Variants in HPSE2 observed in about 807,000 individuals in gnomAD.
HPSE2 encodes inactive heparanase-2.
HPSE2 carries 38 observed loss-of-function variants against 60.5 expected under a neutral mutation model. That is an observed-to-expected ratio of 0.63 (90% CI 0.48 to 0.82). HPSE2 has a LOEUF of 0.82. Ranked by LOEUF, HPSE2 falls within the 40% of genes least tolerant of loss-of-function variation. HPSE2 has a pLI of 0.00. For missense variants in HPSE2, 713 were observed against 740.4 expected (o/e 0.96, Z 0.43); for synonymous variants, 295 against 293.2 (o/e 1.01, Z -0.06).
intron 3 of HPSE2, among the ~76,000 whole-genome samples, chr10:99,006,510 G>T (rs965320015): frequency 1.3e-5 from 2 of 152,186 alleles, no homozygotes; most frequent in Non-Finnish European, 2.9e-5. Flanking sequence ...GGCTTTGGCA[G>T]TCATGGGCTA....
At position 98,479,021 on chromosome 10, in the gene HPSE2, C is replaced by G. The variant is rs1318352598; in HGVS notation, c.1613+3615G>C. On this transcript the variant is annotated intron_variant, in intron 11 of 11. Transcript: ENST00000370552. ...ATAAATAGTGACCCCAAGGGTGCTTCCTGTGTGATACTTGACATACCTTAG... is the reference window on the plus strand; with the variant it reads ...ATAAATAGTGACCCCAAGGGTGCTTGCTGTGTGATACTTGACATACCTTAG... Among the ~76,000 whole-genome samples, 3 of 152,278 alleles carry G rather than the reference C, an allele frequency of 2.0e-5. No homozygotes were observed. In the East Asian group the frequency reaches 5.8e-4, roughly 29 times the overall value.
chr10:98,695,290 C>G (rs908260836), intron 5 of HPSE2, among the ~76,000 whole-genome samples: 1 of 152,056 alleles, frequency 6.6e-6, no homozygotes, highest in East Asian at 1.9e-4. Flanking sequence ...AGGACGAGGA[C>G]GGAGGATGAG....
intron 9 of HPSE2, among the ~76,000 whole-genome samples, chr10:98,523,068 A>G (rs544203228): frequency 7.1e-4 from 108 of 152,296 alleles, no homozygotes; most frequent in African/African-American, 2.5e-3. Flanking sequence ...CAGTTCTCTC[A>G]GTTGGGCACA....
intron 2 of HPSE2, among the ~76,000 whole-genome samples, chr10:99,211,468 C>T (rs1359205003): frequency 6.6e-6 from 1 of 151,606 alleles, no homozygotes; most frequent in Non-Finnish European, 1.5e-5. Context: ...ACAAAGCTAT[C>T]GTAATAAAAA....
chr10:98,549,762 C>T (rs1455833499), intron 9 of HPSE2, among the ~76,000 whole-genome samples: 2 of 152,326 alleles, frequency 1.3e-5, no homozygotes, highest in African/African-American at 4.8e-5. Flanking sequence ...TTTCCTCCTT[C>T]TTGAAACTCT....
intron 3 of HPSE2, among the ~76,000 whole-genome samples, chr10:98,793,348 T>C (rs920774298): frequency 4.6e-5 from 7 of 152,208 alleles, no homozygotes; most frequent in Non-Finnish European, 2.9e-5. Flanking sequence ...CAACTGGCTA[T>C]TGAATTAAAT....
chr10:98,634,965 T>C (rs148202735), intron 7 of HPSE2, among the ~76,000 whole-genome samples: 84 of 152,280 alleles, frequency 5.5e-4, no homozygotes, highest in Middle Eastern at 6.8e-3. Flanking sequence ...CCTCACAAAC[T>C]AAGGTGGGTA....
At chr10:99,232,632 C>A in intron 1 of HPSE2, 127 bp from the exon 2 acceptor site, 2 of 1,090,076 alleles carry the variant, frequency 1.8e-6, no homozygotes, top group Admixed American at 2.1e-5. Flanking sequence ...CTGTGCCTGC[C>A]CCAGCCGGCA....
chr10:98,816,896 A>G, intron 3 of HPSE2, among the ~76,000 whole-genome samples: 1 of 151,944 alleles, frequency 6.6e-6, no homozygotes, highest in East Asian at 1.9e-4. Context: ...TATTTTTTAG[A>G]TAACATAGTT....
intron 3 of HPSE2, among the ~76,000 whole-genome samples, chr10:98,986,258 C>T (rs1166383094): frequency 7.9e-5 from 12 of 152,086 alleles, no homozygotes; most frequent in Non-Finnish European, 1.5e-4. Flanking sequence ...CACTCCTCAG[C>T]AAATGTAAAA....
In HPSE2 at chr10:98,888,135, A is replaced by AACACACACAC. The variant is rs3043548; in HGVS notation, c.611-144089_611-144080dup. On this transcript the variant is annotated intron_variant, in intron 3 of 11. Coordinates refer to ENST00000370552, the MANE Select transcript of HPSE2 (RefSeq NM_021828.5). The stretch of plus-strand genomic sequence containing the variant: ...TGCAAAAGGGATAGGTTTTAAAACA[A>AACACACACAC]ACACACACACACACACACACACACA... Among the ~76,000 whole-genome samples, 892 of 140,788 alleles carry AACACACACAC rather than the reference A, an allele frequency of 6.3e-3. 8 individuals carry two copies. The highest frequency in any genetic ancestry group is 0.019 in the East Asian group (88 of 4,654). The allele number at this position is 140,788 out of a possible 152,430, so 92.4% of individuals were successfully genotyped here.
intron 3 of HPSE2, among the ~76,000 whole-genome samples, chr10:98,874,708 T>C (rs1339496383): frequency 6.6e-6 from 1 of 152,088 alleles, no homozygotes; most frequent in Non-Finnish European, 1.5e-5. Flanking sequence ...AGGCAATGCT[T>C]CCAACTTTTG....
intron 3 of HPSE2, among the ~76,000 whole-genome samples, chr10:99,109,435 A>C (rs897749675): frequency 2.1e-4 from 32 of 152,190 alleles, no homozygotes; most frequent in African/African-American, 7.7e-4. Flanking sequence ...AAATGCTAAA[A>C]TGATGACTTC....
chr10:98,944,744 T>G (rs995285698), intron 3 of HPSE2, among the ~76,000 whole-genome samples: 23 of 152,142 alleles, frequency 1.5e-4, no homozygotes, highest in African/African-American at 5.6e-4. Flanking sequence ...TTAGCTTAAG[T>G]AACAAGTATC....
At chr10:98,981,449 A>G (rs1418160764) in intron 3 of HPSE2, among the ~76,000 whole-genome samples, 1 of 152,154 alleles carries the variant, frequency 6.6e-6, no homozygotes, top group African/African-American at 2.4e-5. Context: ...CTCATCTAAA[A>G]AGGGAGGCTC....
chr10:98,480,093 A>ATTT (rs35831340), intron 11 of HPSE2, among the ~76,000 whole-genome samples: 13,118 of 145,078 alleles, frequency 0.09, 731 homozygotes, highest in African/African-American at 0.16. Context: ...CCTCTCCTAC[A>ATTT]TTTTTTTTTT....
At chr10:98,883,091 T>C (rs4917849) in intron 3 of HPSE2, among the ~76,000 whole-genome samples, 121,228 of 152,052 alleles carry the variant, frequency 0.8, 48,655 homozygotes, top group South Asian at 0.84. Flanking sequence ...TTCCTAGCTC[T>C]GAAGGGCTAT....
chr10:98,817,586 A>C (rs774493650), intron 3 of HPSE2, among the ~76,000 whole-genome samples: 1 of 152,184 alleles, frequency 6.6e-6, no homozygotes, highest in Non-Finnish European at 1.5e-5. Flanking sequence ...AGAAAGAAAA[A>C]GTCCTTGAAG....
intron 6 of HPSE2, among the ~76,000 whole-genome samples, chr10:98,678,746 T>G (rs958060049): frequency 1.3e-5 from 2 of 152,108 alleles, no homozygotes; most frequent in African/African-American, 4.8e-5. Flanking sequence ...TTTGGCTAAC[T>G]CGATAAATAT....
Sources: allele counts gnomAD v4.1 joint callset (sites outside exome capture counted in the v4.1 genomes callset), GRCh38; gene constraint gnomAD v4.1.1; transcripts MANE v1.5; gene names NCBI Gene and HGNC (gene_info 2026-07-23, HGNC 2026-07-21).